Variants in AKAP11 observed in about 807,000 individuals in gnomAD.
The protein encoded by AKAP11 is A-kinase anchoring protein 11, also known as A-kinase anchor protein 11.
Under a neutral mutation model 146.1 loss-of-function variants are expected in AKAP11, and 36 were observed. The ratio of observed to expected loss-of-function variants is 0.25; its 90% CI spans 0.19 to 0.33. AKAP11 has a LOEUF of 0.33. Among genes scored for constraint, AKAP11 ranks in the 10% least tolerant of loss-of-function variants. The pLI is 1.00. For synonymous variants in AKAP11, 780 were observed against 786.5 expected (o/e 0.99, Z 0.14); for missense variants, 2,201 against 2,197.0 (o/e 1.00, Z -0.04).
intron 1 of AKAP11, among the ~76,000 whole-genome samples, chr13:42,279,292 C>T (rs1358419893): frequency 1.4e-5 from 2 of 146,504 alleles, no homozygotes; most frequent in African/African-American, 5.5e-5. Context: ...CTCTCTCTCT[C>T]TCACTCACTC....
Position 42,321,755 on chromosome 13 carries a change from T to A in AKAP11, c.*2527T>A, listed in dbSNP as rs926035392. On this transcript the variant is annotated 3_prime_UTR_variant, in exon 13 of 13. Coordinates refer to ENST00000025301, the MANE Select transcript of AKAP11 (RefSeq NM_016248.4). ...CTGTCTTATTTTATTACAAATTGGC[T>A]TGACATATTTATACTGTAACATTGT... 6.6e-6 allele frequency: 1 copy of A among 152,318 alleles called. No individual in the cohort carries two copies. The highest frequency in any genetic ancestry group is 2.4e-5 in the African/African-American group (1 of 41,456). 9.4% of individuals were successfully genotyped at this position (152,318 alleles called of 1,614,324 possible).
Position 42,299,906 on chromosome 13 carries a change from A to C in AKAP11, c.1160A>C (p.Lys387Thr). Residue 387 changes from lysine to threonine, a missense_variant, in exon 8 of 13, where the codon AAA (lysine) becomes ACA (threonine). Physicochemically the swap from Lys to Thr is moderately conservative, Grantham distance 78 (BLOSUM62 -1). Transcript: ENST00000025301. ...DPVIGKSSQR[K>T]GHKHGKSCMN... Reference sequence around the variant, plus strand: ...GTCATAGGGAAGTCATCGCAGAGGAAAGGGCACAAACATGGAAAGTCATGT... The same window carrying C: ...GTCATAGGGAAGTCATCGCAGAGGACAGGGCACAAACATGGAAAGTCATGT... 1 of 1,613,980 alleles carries C rather than the reference A, an allele frequency of 6.2e-7. No homozygotes were observed. Among genetic ancestry groups the C allele is most frequent in the Non-Finnish European group, 8.5e-7 (1 of 1,179,872 alleles).
At position 42,298,632 on chromosome 13, in the gene AKAP11, G is replaced by A. The variant is rs145880359; in HGVS notation, c.451G>A (p.Gly151Ser). The A allele has an allele frequency of 2.7e-5, 44 of 1,611,740 alleles. No homozygotes were observed. In the African/African-American group the frequency reaches 5.8e-4, roughly 21 times the overall value. ...IFSLLSKYAT[G>S]IRYTLDTFLH... ...TAGTCTCCTAAGTAAATATGCTACT[G>A]GTATAAGGTACACCTTGGACACATT... Residue 151 changes from glycine (G) to serine (S), a missense_variant, in exon 7 of 13, where the codon GGT becomes AGT. Coordinates refer to ENST00000025301, the MANE Select transcript of AKAP11 (RefSeq NM_016248.4).
intron 3 of AKAP11, among the ~76,000 whole-genome samples, chr13:42,290,616 G>A (rs529318771): frequency 2.7e-4 from 41 of 152,228 alleles, no homozygotes; most frequent in African/African-American, 9.9e-4. Context: ...AGGTAAAGGA[G>A]CTCCTCTGAC....
At chr13:42,279,215 A>AT (rs1304043974) in intron 1 of AKAP11, among the ~76,000 whole-genome samples, 3 of 78,864 alleles carry the variant, frequency 3.8e-5, no homozygotes, top group Admixed American at 1.3e-4. Flanking sequence ...TTGTCTTCAA[A>AT]TTTTTTTTTC....
rs779673641 is a variant in AKAP11 at position 42,301,152 on chromosome 13, G to A, written c.2406G>A (p.Lys802=). Residue 802 remains lysine (K), a synonymous_variant, in exon 8 of 13, where the codon AAG becomes AAA. Transcript: ENST00000025301. ...TTTCATCTACTGCATGTCAGGCCAA[G>A]GCTCATCTGTCATCTGATGATAGTA... ...YHISSTACQA[K]AHLSSDDSNS... is the part of the protein sequence containing the mutation. The A allele has an allele frequency of 6.2e-6, 10 of 1,614,054 alleles. No individual in the cohort carries two copies. The Admixed American group carries it at 1.5e-4, about 24-fold the overall frequency.
In AKAP11 at chr13:42,321,195, A is replaced by C. The variant is rs1961072271; in HGVS notation, c.*1967A>C. 1 of 152,368 alleles carries C rather than the reference A, an allele frequency of 6.6e-6. No individual in the cohort carries two copies. Among genetic ancestry groups the C allele is most frequent in the Non-Finnish European group, 1.5e-5 (1 of 68,048 alleles). 9.4% of individuals were successfully genotyped at this position (152,368 alleles called of 1,614,324 possible). A position where few individuals can be genotyped will look rare whatever the true frequency, so the allele number is the denominator to read the frequency against. On this transcript the variant is annotated 3_prime_UTR_variant, in exon 13 of 13. Transcript: ENST00000025301. Reference sequence around the variant, plus strand: ...CTATCAAATTGTGTTTAGTAACTTGAGTGTATGCACAAGTTTGATCAACAG... The same window carrying C: ...CTATCAAATTGTGTTTAGTAACTTGCGTGTATGCACAAGTTTGATCAACAG...
chr13:42,296,761 G>A (rs934504020), intron 5 of AKAP11, among the ~76,000 whole-genome samples: 3 of 151,916 alleles, frequency 2.0e-5, no homozygotes, highest in Admixed American at 2.0e-4. Flanking sequence ...ACTATTAAAT[G>A]CTTAATTGTC....
At chr13:42,271,503 A>G (rs1226941307), upstream of AKAP11, among the ~76,000 whole-genome samples, 1 of 152,190 alleles carries the variant, frequency 6.6e-6, no homozygotes, top group Non-Finnish European at 1.5e-5. Flanking sequence ...ATCAGAAAGG[A>G]TGAGCCTTCC....
In AKAP11 at chr13:42,296,548, C is replaced by T. The variant is rs184596922; in HGVS notation, c.217-500C>T. On this transcript the variant is annotated intron_variant, in intron 5 of 12. Coordinates refer to ENST00000025301, the MANE Select transcript of AKAP11 (RefSeq NM_016248.4). ...GGCAAACAAGAAGAAGAAATAAAAG[C>T]GATTTTCTTTTCCTTTAATCTTCAT... Among the ~76,000 whole-genome samples the T allele has an allele frequency of 9.1e-3, 1,379 of 151,982 alleles. 11 individuals are homozygous for T. Among genetic ancestry groups the T allele is most frequent in the South Asian group, 0.034 (166 of 4,818 alleles).
rs1473682585 is a variant in AKAP11, at chr13:42,319,518, TTGTC to T, written c.*293_*296del. ...TCTAACCAGGGGGTTTTCAGGGGCA[TTGTC>T]TGACCACATTCTTTTTGTATCCAAA... On this transcript the variant is annotated 3_prime_UTR_variant, in exon 13 of 13. Transcript: ENST00000025301. 2 of 262,540 alleles carry T rather than the reference TTGTC, an allele frequency of 7.6e-6. No homozygotes were observed. The highest frequency in any genetic ancestry group is 7.1e-6 in the Non-Finnish European group (1 of 141,278). The allele number at this position is 262,540 out of a possible 1,614,324, so 16.3% of individuals were successfully genotyped here.
At chr13:42,306,873 A>G (rs991861048) in intron 8 of AKAP11, among the ~76,000 whole-genome samples, 1 of 152,150 alleles carries the variant, frequency 6.6e-6, no homozygotes, top group Non-Finnish European at 1.5e-5. Flanking sequence ...GTTTGTAGAG[A>G]TGAGATCTCA....
At chr13:42,278,272 A>G (rs760809497) in intron 1 of AKAP11, among the ~76,000 whole-genome samples, 8 of 152,210 alleles carry the variant, frequency 5.3e-5, no homozygotes, top group Non-Finnish European at 1.2e-4. Flanking sequence ...GACATACTAA[A>G]ATCATTTTAT....
In AKAP11 at chr13:42,286,298, A is replaced by T. The variant is rs1555288446; in HGVS notation, c.-49-2A>T. 1 of 1,219,104 alleles carries T rather than the reference A, an allele frequency of 8.2e-7. No individual in the cohort carries two copies. Among genetic ancestry groups the T allele is most frequent in the Non-Finnish European group, 1.2e-6 (1 of 862,538 alleles). The allele number at this position is 1,219,104 out of a possible 1,614,324, so 75.5% of individuals were successfully genotyped here. ...TAAGTTGTTTTAATATGTTTTCTTT[A>T]GGTGTTTTGTGGATTAACTCTTCAT... is the stretch of plus-strand genomic sequence containing the variant. On this transcript the variant is annotated splice_acceptor_variant, in intron 2 of 12. Transcript: ENST00000025301. LOFTEE classifies it low-confidence loss of function (5UTR_SPLICE).
chr13:42,317,648 A>T lies in AKAP11; in HGVS notation c.5525A>T (p.Glu1842Val). 1 of 1,614,088 alleles carries T rather than the reference A, an allele frequency of 6.2e-7. No homozygotes were observed. Among genetic ancestry groups the T allele is most frequent in the Non-Finnish European group, 8.5e-7 (1 of 1,179,998 alleles). ...ATTGCCTCTGAGGCTGAAGTTGCAG[A>T]ACTTTATTTTCATGACTCTGCAAAT... ...WLIASEAEVA[E>V]LYFHDSANKE... The change falls in exon 12 of 13, where the codon GAA (glutamate) becomes GTA (valine). Residue 1842 changes from glutamate (E) to valine (V), a missense_variant. This residue lies in a region of AKAP11 where 1,867 missense variants were observed against 1,833.5 expected (regional missense o/e 1.02). Transcript: ENST00000025301.
chr13:42,303,560 A>C lies in AKAP11; in HGVS notation c.4814A>C (p.His1605Pro), dbSNP rs1960084263. The C allele has an allele frequency of 6.2e-7, 1 of 1,614,204 alleles. No homozygotes were observed. The change falls in exon 8 of 13, where the codon CAC (histidine) becomes CCC (proline). Residue 1605 changes from histidine (H) to proline (P), a missense_variant. Physicochemically the swap from His to Pro is moderately conservative, Grantham distance 77. Coordinates refer to ENST00000025301, the MANE Select transcript of AKAP11 (RefSeq NM_016248.4). Reference protein sequence around the residue: ...LHNCTGNSSQHFFRQGSLASS... With the variant: ...LHNCTGNSSQPFFRQGSLASS... ...AATTGCACTGGAAATTCATCTCAGC[A>C]CTTTTTCAGACAGGGTTCTCTCGCC...
At chr13:42,298,182 AT>A (rs1203478412) in intron 6 of AKAP11, among the ~76,000 whole-genome samples, 1 of 152,082 alleles carries the variant, frequency 6.6e-6, no homozygotes, top group Non-Finnish European at 1.5e-5. Context: ...CCCCCAAACA[AT>A]TTATAATAGT....
At chr13:42,296,727 A>G (rs1467364737) in intron 5 of AKAP11, among the ~76,000 whole-genome samples, 1 of 151,138 alleles carries the variant, frequency 6.6e-6, no homozygotes, top group Non-Finnish European at 1.5e-5. Flanking sequence ...TTAAGTTAAG[A>G]CCTATATGTT....
intron 3 of AKAP11, among the ~76,000 whole-genome samples, chr13:42,290,097 C>T (rs766346613): frequency 1.3e-5 from 2 of 152,158 alleles, no homozygotes; most frequent in Non-Finnish European, 2.9e-5. Flanking sequence ...AGGATCCACA[C>T]TGTATTTGGT....
Sources: allele counts gnomAD v4.1 joint callset (sites outside exome capture counted in the v4.1 genomes callset), GRCh38; gene constraint gnomAD v4.1.1; regional missense constraint gnomAD v4.1.1; transcripts MANE v1.5; gene names NCBI Gene and HGNC (gene_info 2026-07-23, HGNC 2026-07-21).